Variants in PDXK observed in about 807,000 individuals in gnomAD.
PDXK encodes the protein epididymis secretory sperm binding protein Li 1a.
PDXK carries 15 observed loss-of-function variants against 43.2 expected under a neutral mutation model. The observed-to-expected ratio is 0.35, with a 90% CI of 0.23 to 0.53. The LOEUF (loss-of-function observed/expected upper bound fraction) is 0.53. Ranked by LOEUF, PDXK falls within the 20% of genes least tolerant of loss-of-function variation. The probability of loss-of-function intolerance (pLI) is 0.92; values close to 1 mark genes in which losing one functional copy is unlikely to be tolerated. For missense variants in PDXK, 343 were observed against 417.0 expected (o/e 0.82, Z 1.54); for synonymous variants, 172 against 165.4 (o/e 1.04, Z -0.31).
At chr21:43,740,272 GA>G (rs1306920847) in intron 2 of PDXK, among the ~76,000 whole-genome samples, 3 of 152,150 alleles carry the variant, frequency 2.0e-5, no homozygotes, top group Non-Finnish European at 2.9e-5. Flanking sequence ...TGGTACGCAG[GA>G]GGGCCCTCAG....
At chr21:43,750,439 A>G (rs2083714797) in intron 6 of PDXK, 61 bp from the exon 7 acceptor site, 30 of 1,457,150 alleles carry the variant, frequency 2.1e-5, no homozygotes, top group Non-Finnish European at 2.8e-5. Flanking sequence ...GAATGTCAAC[A>G]CACAACCCGG....
At chr21:43,724,878 G>A (rs7276393) in intron 1 of PDXK, among the ~76,000 whole-genome samples, 1,972 of 151,148 alleles carry the variant, frequency 0.013, 51 homozygotes, top group African/African-American at 0.045. Flanking sequence ...ATGTATGGAA[G>A]TACAATGTAT....
intron 3 of PDXK, among the ~76,000 whole-genome samples, chr21:43,742,725 T>A (rs1399663975): frequency 2.0e-5 from 3 of 151,944 alleles, no homozygotes; most frequent in East Asian, 1.9e-4. Context: ...AAAAAATTTT[T>A]AAAAATTAAT....
intron 3 of PDXK, 122 bp from the exon 4 acceptor site, chr21:43,743,602 C>A: frequency 1.7e-6 from 1 of 592,526 alleles, no homozygotes; most frequent in East Asian, 3.7e-5. Flanking sequence ...ACCTCGCCTG[C>A]ACCCACCTCC....
At chr21:43,741,159 G>C (rs1158676318) in intron 2 of PDXK, 1 of 2,834 alleles carries the variant, frequency 3.5e-4, no homozygotes, top group Non-Finnish European at 5.7e-4. Flanking sequence ...GGGGCGGGGG[G>C]CTCGCGGGGG....
chr21:43,724,490 C>T (rs901171432), intron 1 of PDXK, among the ~76,000 whole-genome samples: 11 of 152,028 alleles, frequency 7.2e-5, no homozygotes, highest in Non-Finnish European at 2.9e-5. Context: ...TGACGGGGTC[C>T]CCAGGGGGTT....
rs1479047347 is a variant in PDXK at position 43,758,249 on chromosome 21, G to A, written c.*2186G>A. 1 of 153,704 alleles carries A rather than the reference G, an allele frequency of 6.5e-6. No individual in the cohort carries two copies. The highest frequency in any genetic ancestry group is 1.5e-5 in the Non-Finnish European group (1 of 68,048). 9.5% of individuals were successfully genotyped at this position (153,704 alleles called of 1,614,324 possible). Reference sequence around the variant, plus strand: ...CTTCCCTGTATTAAGCAAGAATTAGGAGAATGGCTGTCCCTGCAGGCGCCT... The same window carrying A: ...CTTCCCTGTATTAAGCAAGAATTAGAAGAATGGCTGTCCCTGCAGGCGCCT... On this transcript the variant is annotated 3_prime_UTR_variant, in exon 11 of 11. Transcript: ENST00000291565.
In PDXK at chr21:43,734,040, C is replaced by G. The variant is rs375526488; in HGVS notation, c.88-29C>G. ...TGGGACCCCAGACCTGGCTCTCTTA[C>G]GCCTACCTGTTCCTTCTCTGTCTTG... On this transcript the variant is annotated intron_variant, in intron 1 of 10. Coordinates refer to ENST00000291565, the MANE Select transcript of PDXK (RefSeq NM_003681.5). The surrounding 1 kb of genome is among the most constrained non-coding windows in gnomAD (Gnocchi z 5.0). 6 of 1,612,142 alleles carry G rather than the reference C, an allele frequency of 3.7e-6. No homozygotes were observed. Among genetic ancestry groups the G allele is most frequent in the African/African-American group, 1.3e-5 (1 of 75,026 alleles).
chr21:43,753,037 A>G (rs914209761), intron 8 of PDXK, among the ~76,000 whole-genome samples: 2 of 152,214 alleles, frequency 1.3e-5, no homozygotes, highest in African/African-American at 4.8e-5. Flanking sequence ...CATGGGCCCA[A>G]AAGAACAGCT....
rs981514415 is a variant in PDXK, at chr21:43,752,380, C to T, written c.511-138C>T. Reference sequence around the variant, plus strand: ...CGGGAGTGCCGCCATTGGGAACGGGCTCTGGGGGAGTGGGGTGTGACCGGC... The same window carrying T: ...CGGGAGTGCCGCCATTGGGAACGGGTTCTGGGGGAGTGGGGTGTGACCGGC... On this transcript the variant is annotated intron_variant, in intron 7 of 10. Coordinates refer to ENST00000291565, the MANE Select transcript of PDXK (RefSeq NM_003681.5). 4.7e-6 allele frequency: 3 copies of T among 638,068 alleles called. No individual in the cohort carries two copies. In the Admixed American group the frequency reaches 6.9e-5, roughly 15 times the overall value. The allele number at this position is 638,068 out of a possible 1,614,324, so 39.5% of individuals were successfully genotyped here. A position where few individuals can be genotyped will look rare whatever the true frequency, so the allele number is the denominator to read the frequency against.
intron 4 of PDXK, among the ~76,000 whole-genome samples, chr21:43,744,250 G>C (rs1326640738): frequency 1.3e-5 from 2 of 152,166 alleles, no homozygotes; most frequent in Non-Finnish European, 2.9e-5. Flanking sequence ...TCACACCCAG[G>C]CTGGGCCCGC....
intron 1 of PDXK, 138 bp from the exon 2 acceptor site, chr21:43,733,931 A>G (rs1162952021): frequency 1.4e-5 from 11 of 770,412 alleles, no homozygotes; most frequent in Non-Finnish European, 2.0e-5. Context: ...CTGATGCGTC[A>G]GCCCTCCAGC....
chr21:43,733,247 A>AACCCCCC (rs1568976417), intron 1 of PDXK, among the ~76,000 whole-genome samples: 3 of 26,796 alleles, frequency 1.1e-4, no homozygotes, highest in Non-Finnish European at 1.8e-4. Flanking sequence ...GCCCCTCCCC[A>AACCCCCC]TCCCCACCCC....
rs1481165334 is a variant in PDXK, at chr21:43,760,218, C to T, written c.*4155C>T. 1 of 152,486 alleles carries T rather than the reference C, an allele frequency of 6.6e-6. No individual in the cohort carries two copies. Among genetic ancestry groups the T allele is most frequent in the Non-Finnish European group, 1.5e-5 (1 of 67,902 alleles). The allele number at this position is 152,486 out of a possible 1,614,324, so 9.4% of individuals were successfully genotyped here. ...TTGAGGTGAAGTCTCGCTCTGACAC[C>T]CAGGCTGGCGTGCAGTGGTGTGATC... On this transcript the variant is annotated 3_prime_UTR_variant, in exon 11 of 11. Coordinates refer to ENST00000291565, the MANE Select transcript of PDXK (RefSeq NM_003681.5).
At chr21:43,739,449 T>C (rs2083456994) in intron 2 of PDXK, among the ~76,000 whole-genome samples, 1 of 152,184 alleles carries the variant, frequency 6.6e-6, no homozygotes, top group Non-Finnish European at 1.5e-5. Context: ...CTGGGTCATT[T>C]GTAAAGGAAA....
At position 43,734,161 on chromosome 21, in the gene PDXK, T is replaced by A. The variant is rs764418700; in HGVS notation, c.142+38T>A. ...CTCCAGCAGCTGGCATAGAGCAGAC[T>A]GTGGGTGTGAGGGACGGGGCGGAGT... On this transcript the variant is annotated intron_variant, in intron 2 of 10. Transcript: ENST00000291565. The surrounding 1 kb of genome is among the most constrained non-coding windows in gnomAD (Gnocchi z 5.0). 126 of 1,565,606 alleles carry A rather than the reference T, an allele frequency of 8.0e-5. No homozygotes were observed. Among genetic ancestry groups the A allele is most frequent in the Non-Finnish European group, 1.0e-4 (120 of 1,154,276 alleles).
At chr21:43,727,401 A>G (rs2838356) in intron 1 of PDXK, among the ~76,000 whole-genome samples, 19,755 of 152,204 alleles carry the variant, frequency 0.13, 1,586 homozygotes, top group African/African-American at 0.23. Context: ...CCTTGTGCCC[A>G]TCTATTCCCC....
Position 43,732,499 on chromosome 21 carries a change from A to C in PDXK, c.88-1570A>C. 1.3e-6 allele frequency: 2 copies of C among 1,503,920 alleles called. No homozygotes were observed. The highest frequency in any genetic ancestry group is 3.3e-5 in the Admixed American group (2 of 59,892). 93.2% of individuals were successfully genotyped at this position (1,503,920 alleles called of 1,614,324 possible). On this transcript the variant is annotated intron_variant, in intron 1 of 10. Transcript: ENST00000291565. The surrounding 1 kb of genome is among the most constrained non-coding windows in gnomAD (Gnocchi z 4.1). ...TCAGCTTGCTCGTGCTCTCATTTAA[A>C]AGCAGAAAATAGCGACTTCATTCTC...
intron 2 of PDXK, chr21:43,736,902 G>T: frequency 1.4e-6 from 1 of 699,456 alleles, no homozygotes; most frequent in Non-Finnish European, 2.6e-6. Context: ...CCAAAGTGCT[G>T]GGATTACAGG....
Sources: allele counts gnomAD v4.1 joint callset (sites outside exome capture counted in the v4.1 genomes callset), GRCh38; gene constraint gnomAD v4.1.1; non-coding constraint Gnocchi (gnomAD v3.1); transcripts MANE v1.5; gene names NCBI Gene and HGNC (gene_info 2026-07-23, HGNC 2026-07-21).